Variants in TRRAP observed in about 807,000 individuals in gnomAD.
TRRAP encodes transformation/transcription domain associated protein, also known as transformation/transcription domain-associated protein.
In TRRAP, 41 loss-of-function variants were observed where a neutral mutation model predicts 438.8. The observed-to-expected ratio is 0.09, with a 90% CI of 0.07 to 0.12. The LOEUF is 0.12. Among genes scored for constraint, TRRAP ranks in the 10% least tolerant of loss-of-function variants. TRRAP has a pLI of 1.00. For synonymous variants in TRRAP, 1,994 were observed against 1,962.9 expected (o/e 1.02, Z -0.42); for missense variants, 3,122 against 5,055.1 (o/e 0.62, Z 11.60).
intron 3 of TRRAP, among the ~76,000 whole-genome samples, chr7:98,887,669 G>A (rs903885882): frequency 4.4e-4 from 61 of 139,496 alleles, no homozygotes; most frequent in South Asian, 2.4e-4. Flanking sequence ...GGCGGAGGTT[G>A]CAGTGAGCCG....
intron 20 of TRRAP, among the ~76,000 whole-genome samples, chr7:98,919,039 A>C (rs1218741181): frequency 6.6e-6 from 1 of 152,002 alleles, no homozygotes; most frequent in African/African-American, 2.4e-5. Flanking sequence ...TTTTTCCTAC[A>C]TATTTTGCTG....
At chr7:99,008,077 G>A (rs1384678525) in intron 69 of TRRAP, among the ~76,000 whole-genome samples, 1 of 152,096 alleles carries the variant, frequency 6.6e-6, no homozygotes, top group Non-Finnish European at 1.5e-5. Flanking sequence ...GCCCACTGTG[G>A]CCTCCCAAAG....
In TRRAP at chr7:98,902,513, T is replaced by C. The variant is rs1554406802; in HGVS notation, c.898-866T>C. Among the ~76,000 whole-genome samples, 9 of 152,234 alleles carry C rather than the reference T, an allele frequency of 5.9e-5. No individual in the cohort carries two copies. In the South Asian group the frequency reaches 1.9e-3, roughly 31 times the overall value. On this transcript the variant is annotated intron_variant, in intron 11 of 72. Coordinates refer to ENST00000456197, the MANE Select transcript of TRRAP (RefSeq NM_001375524.1). ...GAGCTGAATTGTTTAGAATAAAAACTACTTTTGAAAGCATTTGTAATCTTT... is the reference window on the plus strand; with the variant it reads ...GAGCTGAATTGTTTAGAATAAAAACCACTTTTGAAAGCATTTGTAATCTTT...
At position 98,976,401 on chromosome 7, in the gene TRRAP, A is replaced by T. The variant is rs1792658809; in HGVS notation, c.7960-82A>T. The stretch of plus-strand genomic sequence containing the variant: ...CTGGCTGTCACTCGAGCGAATTAGG[A>T]AAGGTATTCTTGCATCGAGAGAGAC... On this transcript the variant is annotated intron_variant, in intron 54 of 72. Coordinates refer to ENST00000456197, the MANE Select transcript of TRRAP (RefSeq NM_001375524.1). This position sits in a 1 kb window ranked among gnomAD's most constrained non-coding sequence, Gnocchi z 4.6. 9.5e-6 allele frequency: 15 copies of T among 1,571,700 alleles called. No homozygotes were observed. Among genetic ancestry groups the T allele is most frequent in the Non-Finnish European group, 1.3e-5 (15 of 1,161,860 alleles).
chr7:98,987,374 G>A (rs1316524368), intron 62 of TRRAP, among the ~76,000 whole-genome samples: 3 of 152,280 alleles, frequency 2.0e-5, no homozygotes, highest in East Asian at 3.9e-4. Context: ...CACTAGTTTA[G>A]GTCTTCTTTA....
intron 6 of TRRAP, among the ~76,000 whole-genome samples, chr7:98,894,783 G>GTTTTTTTTTTTTTTTTTT (rs56407045): frequency 1.3e-4 from 11 of 87,432 alleles, no homozygotes; most frequent in African/African-American, 1.4e-4. Context: ...CCAGCTAATG[G>GTTTTTTTTTTTTTTTTTT]TTTTTTTTTT....
rs375820028 is a variant in TRRAP at position 98,978,845 on chromosome 7, G to A, written c.8575G>A (p.Val2859Ile). The change falls in exon 58 of 73, where the codon GTC (valine) becomes ATC (isoleucine). Residue 2859 changes from valine (V) to isoleucine (I), a missense_variant. Physicochemically the swap from Val to Ile is conservative, Grantham distance 29. Transcript: ENST00000456197. ...QSKGHINPYLVLECAWRVSNW... is the reference protein window; with the variant it reads ...QSKGHINPYLILECAWRVSNW... ...CAAAGGCCACATCAACCCCTACCTC[G>A]TCCTGGAGTGCGCCTGGCGGGTGTC... The A allele has an allele frequency of 2.9e-5, 47 of 1,614,110 alleles. No individual in the cohort carries two copies. The highest frequency in any genetic ancestry group is 3.4e-5 in the Non-Finnish European group (40 of 1,180,052).
chr7:98,999,985 A>G (rs1366647377), intron 67 of TRRAP: 5 of 194,618 alleles, frequency 2.6e-5, no homozygotes, highest in African/African-American at 2.5e-5. Context: ...CAGCACCGCA[A>G]TCTGTATTTC....
At chr7:98,931,292 G>C in intron 25 of TRRAP, 113 bp from the exon 26 acceptor site, 1 of 1,471,946 alleles carries the variant, frequency 6.8e-7, no homozygotes. Context: ...AGCAGCTGGC[G>C]AGAAGGGCAT....
intron 8 of TRRAP, among the ~76,000 whole-genome samples, chr7:98,898,916 G>A (rs1288347738): frequency 6.6e-6 from 1 of 152,126 alleles, no homozygotes; most frequent in Non-Finnish European, 1.5e-5. Flanking sequence ...GGCCGGGCAC[G>A]GTAGCACACA....
intron 52 of TRRAP, among the ~76,000 whole-genome samples, chr7:98,971,435 C>T (rs543867802): frequency 1.5e-4 from 23 of 152,320 alleles, no homozygotes; most frequent in African/African-American, 4.3e-4. Flanking sequence ...GATTCTCAGT[C>T]GGAGCAAGCC....
chr7:98,957,652 C>G (rs1022920364), intron 43 of TRRAP, among the ~76,000 whole-genome samples: 11 of 152,292 alleles, frequency 7.2e-5, no homozygotes, highest in African/African-American at 1.7e-4. Context: ...GTCCCCTGGC[C>G]TTTTCCCTCC....
In TRRAP at chr7:98,962,295, G is replaced by A. The variant is rs1209755035; in HGVS notation, c.6704-7G>A. The stretch of plus-strand genomic sequence containing the variant: ...ACCACAGTGCCTGGGTCCCTGCCCT[G>A]TTGTAGGTACTTCCAGTGTGGCCTC... On this transcript the variant is annotated splice_region_variant and splice_polypyrimidine_tract_variant and intron_variant, in intron 46 of 72. Transcript: ENST00000456197. 6 of 1,614,142 alleles carry A rather than the reference G, an allele frequency of 3.7e-6. No homozygotes were observed. In the African/African-American group the frequency reaches 5.3e-5, roughly 14 times the overall value.
intron 58 of TRRAP, among the ~76,000 whole-genome samples, chr7:98,981,063 C>G (rs1477493743): frequency 6.6e-6 from 1 of 152,044 alleles, no homozygotes; most frequent in Non-Finnish European, 1.5e-5. Context: ...AAAAATCACA[C>G]TGATGTTTAT....
Position 98,988,837 on chromosome 7 carries a change from G to T in TRRAP, c.9462G>T (p.Met3154Ile). Residue 3154 changes from methionine to isoleucine, a missense_variant, in exon 63 of 73, where the codon ATG (methionine) becomes ATT (isoleucine). This residue lies in a region of TRRAP where 129 missense variants were observed against 279.2 expected (regional missense o/e 0.46). Coordinates refer to ENST00000456197, the MANE Select transcript of TRRAP (RefSeq NM_001375524.1). ...ATGTGCTGGTGAAAGCCTGGGCCAT[G>T]TGGGGCGACTACCTGGAGAACATCT... ...MHDVLVKAWA[M>I]WGDYLENIFV... The T allele has an allele frequency of 5.0e-6, 8 of 1,614,238 alleles. No homozygotes were observed. Among genetic ancestry groups the T allele is most frequent in the Non-Finnish European group, 6.8e-6 (8 of 1,180,046 alleles).
chr7:98,943,711 A>T (rs1297208961), intron 31 of TRRAP, among the ~76,000 whole-genome samples: 1 of 152,174 alleles, frequency 6.6e-6, no homozygotes, highest in Non-Finnish European at 1.5e-5. Flanking sequence ...TTATTTGTAT[A>T]TGTTTATTTT....
chr7:98,915,639 G>C (rs782126653), intron 18 of TRRAP, 84 bp from the exon 19 acceptor site: 1 of 1,490,358 alleles, frequency 6.7e-7, no homozygotes, highest in Non-Finnish European at 9.0e-7. Context: ...CATTGCTGTC[G>C]GATTACAGTG....
rs1791645004 is a variant in TRRAP, at chr7:98,956,913, C to CCCCTTGTGGAGTGGTGG, written c.6231+385_6231+401dup. On this transcript the variant is annotated intron_variant, in intron 43 of 72. Coordinates refer to ENST00000456197, the MANE Select transcript of TRRAP (RefSeq NM_001375524.1). This position sits in a 1 kb window ranked among gnomAD's most constrained non-coding sequence, Gnocchi z 4.5. ...GCCACCAAGAGGGTCCTGGGTATTG[C>CCCCTTGTGGAGTGGTGG]CCCTTGTGGAGTGGTGGCCCTAGGA... Among the ~76,000 whole-genome samples the CCCCTTGTGGAGTGGTGG allele has an allele frequency of 1.3e-5, 2 of 151,932 alleles. No individual in the cohort carries two copies. Among genetic ancestry groups the CCCCTTGTGGAGTGGTGG allele is most frequent in the Non-Finnish European group, 2.9e-5 (2 of 67,980 alleles).
At chr7:98,880,778 A>C (rs114035170) in intron 1 of TRRAP, among the ~76,000 whole-genome samples, 8 of 152,204 alleles carry the variant, frequency 5.3e-5, no homozygotes, top group Non-Finnish European at 8.8e-5. Flanking sequence ...TAGTTGTGAC[A>C]GACTGCGTGG....
Sources: allele counts gnomAD v4.1 joint callset (sites outside exome capture counted in the v4.1 genomes callset), GRCh38; gene constraint gnomAD v4.1.1; regional missense constraint gnomAD v4.1.1; non-coding constraint Gnocchi (gnomAD v3.1); transcripts MANE v1.5; gene names NCBI Gene and HGNC (gene_info 2026-07-23, HGNC 2026-07-21).